Variants in UNC79 observed in about 807,000 individuals in gnomAD.
UNC79 encodes protein unc-79 homolog.
Under a neutral mutation model 283.1 loss-of-function variants are expected in UNC79, and 37 were observed. The ratio of observed to expected loss-of-function variants is 0.13; its 90% confidence interval spans 0.10 to 0.17. The LOEUF (loss-of-function observed/expected upper bound fraction) is 0.17. Among genes scored for constraint, UNC79 ranks in the 10% least tolerant of loss-of-function variants. The pLI, the probability that UNC79 is intolerant of heterozygous loss-of-function variation, is 1.00. For missense variants in UNC79, 2,272 were observed against 3,211.1 expected, an observed-to-expected ratio of 0.71 and a Z score of 7.07; for synonymous variants, 1,107 against 1,200.2, an observed-to-expected ratio of 0.92 and a Z score of 1.61.
At chr14:93,667,870 T>C (rs1259809786) in intron 40 of UNC79, among the ~76,000 whole-genome samples, 2 of 152,222 alleles carry the variant, frequency 1.3e-5, no homozygotes, top group Non-Finnish European at 2.9e-5. Context: ...TTAGAACATC[T>C]ATTAATATCA....
Position 93,653,735 on chromosome 14 carries a change from A to G in UNC79, c.6084-7A>G. 7 of 1,610,566 alleles carry G rather than the reference A, an allele frequency of 4.3e-6. No individual in the cohort carries two copies. The highest frequency in any genetic ancestry group is 5.9e-6 in the Non-Finnish European group (7 of 1,177,650). ...CTTCGTGTCTTTTCTCCCCTGTTCA[A>G]CTCCAGCATGATGGTTCCCGGCAAT... On this transcript the variant is annotated splice_polypyrimidine_tract_variant and splice_region_variant and intron_variant, in intron 35 of 48. Coordinates refer to ENST00000555664, the Ensembl canonical transcript of UNC79.
At chr14:93,626,218 A>G (rs962680961) in intron 30 of UNC79, among the ~76,000 whole-genome samples, 2 of 152,172 alleles carry the variant, frequency 1.3e-5, no homozygotes, top group African/African-American at 2.4e-5. Flanking sequence ...CAAACTTTCA[A>G]TAAGTCTTGC....
At chr14:93,620,675 A>G (rs1175434186) in intron 29 of UNC79, among the ~76,000 whole-genome samples, 1 of 152,172 alleles carries the variant, frequency 6.6e-6, no homozygotes, top group African/African-American at 2.4e-5. Context: ...GCCAATTGTC[A>G]TGTGAAAAGT....
chr14:93,422,098 A>T (rs1447140054), intron 1 of UNC79, among the ~76,000 whole-genome samples: 1 of 151,794 alleles, frequency 6.6e-6, no homozygotes, highest in African/African-American at 2.4e-5. Flanking sequence ...GGAGGTCCTG[A>T]TGATATGGGC....
intron 41 of UNC79, 95 bp downstream of exon 44, chr14:93,673,550 T>C: frequency 3.1e-6 from 3 of 959,464 alleles, no homozygotes; most frequent in Non-Finnish European, 4.7e-6. Flanking sequence ...GAACTAAATA[T>C]CTTTGCTTAG....
intron 27 of UNC79, among the ~76,000 whole-genome samples, chr14:93,616,708 T>G (rs529960607): frequency 6.6e-6 from 1 of 152,292 alleles, no homozygotes; most frequent in South Asian, 2.1e-4. Flanking sequence ...ATTGTTCTCC[T>G]GAAAGATTGT....
rs191252825 is a variant in UNC79, at chr14:93,617,498, A to G, written c.4224+194A>G. ...AATAGAAATGGGAGGCCCTGTTAAT[A>G]TATGCTCTAAAAATGTTTAAAACAA... On this transcript the variant is annotated intron_variant, in intron 28 of 48. Coordinates refer to ENST00000555664, the Ensembl canonical transcript of UNC79. This position sits in a 1 kb window ranked among gnomAD's most constrained non-coding sequence, Gnocchi z 4.5. Among the ~76,000 whole-genome samples the G allele has an allele frequency of 7.3e-5, 11 of 150,470 alleles. No individual in the cohort carries two copies. The highest frequency in any genetic ancestry group is 1.5e-4 in the Non-Finnish European group (10 of 67,216).
chr14:93,377,218 T>C (rs549883489), intron 1 of UNC79, among the ~76,000 whole-genome samples: 1 of 150,774 alleles, frequency 6.6e-6, no homozygotes, highest in African/African-American at 2.4e-5. Context: ...GCCTCCCGAG[T>C]AGCTGGGACT....
At chr14:93,452,121 G>A (rs896226636) in intron 1 of UNC79, among the ~76,000 whole-genome samples, 2 of 151,978 alleles carry the variant, frequency 1.3e-5, no homozygotes, top group African/African-American at 2.4e-5. Context: ...AAGTCTTCCC[G>A]GACTATCCTA....
chr14:93,618,459 T>TA (rs950363228), intron 29 of UNC79, 105 bp downstream of exon 30: 12,633 of 1,028,088 alleles, frequency 0.012, 29 homozygotes, highest in East Asian at 0.017. Context: ...CATTCTGGAG[T>TA]AAAAAAAAAA....
At chr14:93,706,638 G>A (rs555719440) in intron 48 of UNC79, 66 bp from the exon 52 acceptor site, 27 of 1,585,922 alleles carry the variant, frequency 1.7e-5, no homozygotes, top group South Asian at 1.0e-4. Context: ...GAAGCCGCCC[G>A]GGTCGACACT....
intron 35 of UNC79, among the ~76,000 whole-genome samples, chr14:93,653,343 A>AT (rs201319381): frequency 0.021 from 3,026 of 147,036 alleles, 97 homozygotes; most frequent in African/African-American, 0.072. Context: ...ATATATATGA[A>AT]TTTTTTTTTC....
intron 22 of UNC79, among the ~76,000 whole-genome samples, chr14:93,587,611 A>G (rs1415989562): frequency 6.6e-6 from 1 of 152,182 alleles, no homozygotes. Context: ...TGTTCTGGGT[A>G]CTTAGGGAAT....
chr14:93,599,222 C>T (rs2065311111), intron 24 of UNC79, among the ~76,000 whole-genome samples: 1 of 152,112 alleles, frequency 6.6e-6, no homozygotes, highest in Non-Finnish European at 1.5e-5. Context: ...TCACAGTTAC[C>T]TTTTGTGTGT....
chr14:93,583,346 A>T (rs2063957716), intron 20 of UNC79, among the ~76,000 whole-genome samples: 1 of 152,056 alleles, frequency 6.6e-6, no homozygotes, highest in South Asian at 2.1e-4. Context: ...AAATAAATAA[A>T]GAATAGCTTG....
Position 93,686,570 on chromosome 14 carries a change from A to C in UNC79, c.6820-2A>C. The C allele has an allele frequency of 6.2e-7, 1 of 1,614,088 alleles. No individual in the cohort carries two copies. Among genetic ancestry groups the C allele is most frequent in the Non-Finnish European group, 8.5e-7 (1 of 1,179,938 alleles). On this transcript the variant is annotated splice_acceptor_variant, in intron 42 of 48. Transcript: ENST00000555664. LOFTEE classifies it high-confidence loss of function. ...TGACCCAGCTGTGTCCTTGTGTTTC[A>C]GTGTGGGACTGCAGCGATGGAGTGT... is the stretch of plus-strand genomic sequence containing the variant.
chr14:93,540,680 T>A, exon 13 of UNC79: 1 of 1,613,170 alleles, frequency 6.2e-7, no homozygotes, highest in South Asian at 1.1e-5. Flanking sequence ...GAAGCCGAGT[T>A]CCATGCTGAG....
At chr14:93,605,575 C>T (rs2065824344) in intron 26 of UNC79, among the ~76,000 whole-genome samples, 1 of 152,162 alleles carries the variant, frequency 6.6e-6, no homozygotes, top group Non-Finnish European at 1.5e-5. Context: ...CCGTGACTCA[C>T]TGGGAAGATT....
At chr14:93,608,856 A>G (rs2066083999) in intron 26 of UNC79, among the ~76,000 whole-genome samples, 1 of 152,208 alleles carries the variant, frequency 6.6e-6, no homozygotes, top group Non-Finnish European at 1.5e-5. Flanking sequence ...ACTTTGACAG[A>G]CATTTATGTA....
Sources: gnomAD v4.1 joint callset for allele counts (sites outside exome capture counted in the v4.1 genomes callset) on GRCh38, gnomAD v4.1.1 for gene constraint, Gnocchi (gnomAD v3.1) non-coding constraint, MANE v1.5 for transcripts, NCBI Gene and HGNC (gene_info 2026-07-23, HGNC 2026-07-21) for gene names.